Variants in BCAS1 observed in about 807,000 individuals in gnomAD.
BCAS1 encodes breast carcinoma-amplified sequence 1.
In BCAS1, 46 loss-of-function variants were observed where a neutral mutation model predicts 65.4. The ratio of observed to expected loss-of-function variants is 0.70; its 90% CI spans 0.55 to 0.90. The LOEUF is 0.90. BCAS1 is among the 40% of genes least tolerant of loss of function. The pLI is 0.00. For synonymous variants in BCAS1, 298 were observed against 293.5 expected (o/e 1.02, Z -0.16); for missense variants, 793 against 771.2 (o/e 1.03, Z -0.33).
intron 3 of BCAS1, among the ~76,000 whole-genome samples, chr20:54,030,689 A>G (rs2091780157): frequency 6.6e-6 from 1 of 151,354 alleles, no homozygotes; most frequent in Non-Finnish European, 1.5e-5. Flanking sequence ...CAACAAACAA[A>G]AAAGGGGGGA....
At chr20:54,032,181 A>G (rs575309361) in intron 3 of BCAS1, among the ~76,000 whole-genome samples, 1 of 151,624 alleles carries the variant, frequency 6.6e-6, no homozygotes, top group East Asian at 1.9e-4. Flanking sequence ...AATATTCAAC[A>G]TTCTTAAACA....
intron 4 of BCAS1, among the ~76,000 whole-genome samples, chr20:54,020,457 C>A (rs568116239): frequency 1.1e-4 from 17 of 152,268 alleles, no homozygotes; most frequent in African/African-American, 4.1e-4. Context: ...TAAGTGAAAT[C>A]GTATACACCA....
chr20:54,032,519 C>T (rs1007625886), intron 3 of BCAS1, among the ~76,000 whole-genome samples: 8 of 151,242 alleles, frequency 5.3e-5, no homozygotes, highest in African/African-American at 1.9e-4. Context: ...CATTAAAAGA[C>T]ATAAAGTGGC....
intron 1 of BCAS1, chr20:54,068,310 T>C (rs2092469936): frequency 1.3e-5 from 2 of 154,424 alleles, no homozygotes; most frequent in South Asian, 4.1e-4. Flanking sequence ...TCTCATAGTC[T>C]TATTATTGCA....
intron 4 of BCAS1, among the ~76,000 whole-genome samples, chr20:54,012,337 G>A (rs2091339336): frequency 6.6e-6 from 1 of 152,058 alleles, no homozygotes; most frequent in African/African-American, 2.4e-5. Context: ...TTGTATCATT[G>A]TCAATATCCT....
chr20:54,032,602 T>C (rs777551117), intron 3 of BCAS1, among the ~76,000 whole-genome samples: 7 of 151,136 alleles, frequency 4.6e-5, no homozygotes, highest in African/African-American at 7.3e-5. Context: ...GTGACACACA[T>C]AGGTTCAAGA....
chr20:53,947,423 GAAATACC>G (rs2089362358), intron 12 of BCAS1, among the ~76,000 whole-genome samples: 1 of 152,170 alleles, frequency 6.6e-6, no homozygotes, highest in African/African-American at 2.4e-5. Context: ...AGGACACCGT[GAAATACC>G]AAAAGCTTGG....
chr20:54,068,318 G>A (rs1188786868), intron 1 of BCAS1: 1 of 154,352 alleles, frequency 6.5e-6, no homozygotes, highest in Non-Finnish European at 1.5e-5. Flanking sequence ...TCTTATTATT[G>A]CACCAAACAT....
intron 12 of BCAS1, among the ~76,000 whole-genome samples, chr20:53,949,257 A>G (rs2089437475): frequency 6.6e-6 from 1 of 152,238 alleles, no homozygotes; most frequent in Non-Finnish European, 1.5e-5. Context: ...TGTAAACAAA[A>G]AAGTCCCTTT....
At chr20:53,989,553 A>T (rs1432875176) in intron 7 of BCAS1, among the ~76,000 whole-genome samples, 1 of 152,066 alleles carries the variant, frequency 6.6e-6, no homozygotes, top group Non-Finnish European at 1.5e-5. Context: ...AGACACCCAC[A>T]CAAGATCCTG....
chr20:54,032,411 C>T (rs2091819976), intron 3 of BCAS1, among the ~76,000 whole-genome samples: 1 of 151,318 alleles, frequency 6.6e-6, no homozygotes, highest in Non-Finnish European at 1.5e-5. Flanking sequence ...AAAGCAACTA[C>T]ATAACAAGTC....
chr20:54,036,736 C>T (rs2091906112), intron 3 of BCAS1, among the ~76,000 whole-genome samples: 1 of 151,208 alleles, frequency 6.6e-6, no homozygotes, highest in South Asian at 2.1e-4. Flanking sequence ...TTTTGTTATA[C>T]TAATATGTTA....
chr20:54,062,486 A>C (rs1268877867), intron 1 of BCAS1, among the ~76,000 whole-genome samples: 3 of 152,252 alleles, frequency 2.0e-5, no homozygotes, highest in African/African-American at 7.2e-5. Context: ...ATATACACAC[A>C]AAGTATCTCT....
chr20:54,002,707 A>G (rs1257139504), intron 4 of BCAS1, among the ~76,000 whole-genome samples: 3 of 152,226 alleles, frequency 2.0e-5, no homozygotes, highest in Non-Finnish European at 2.9e-5. Flanking sequence ...TTAATTAGTG[A>G]TAATGATTAT....
chr20:54,003,969 A>G (rs1006169653), intron 4 of BCAS1, among the ~76,000 whole-genome samples: 2 of 152,222 alleles, frequency 1.3e-5, no homozygotes, highest in Non-Finnish European at 2.9e-5. Flanking sequence ...ATAGCAGATG[A>G]GTGTTGATAT....
At chr20:54,035,207 T>C (rs1025687911) in intron 3 of BCAS1, among the ~76,000 whole-genome samples, 5 of 150,614 alleles carry the variant, frequency 3.3e-5, no homozygotes, top group Non-Finnish European at 7.4e-5. Context: ...GGTCAGGAGA[T>C]CGAGAACACG....
At chr20:54,058,453 C>T (rs187812353) in intron 2 of BCAS1, among the ~76,000 whole-genome samples, 194 bp downstream of exon 2, 1 of 152,234 alleles carries the variant, frequency 6.6e-6, no homozygotes, top group Non-Finnish European at 1.5e-5. Context: ...GGGCATTTGT[C>T]AAGTCAGGGC....
chr20:54,030,057 A>C (rs2091766232), intron 3 of BCAS1, among the ~76,000 whole-genome samples: 1 of 152,356 alleles, frequency 6.6e-6, no homozygotes, highest in Middle Eastern at 3.4e-3. Flanking sequence ...GTGTGTGTGG[A>C]TACAGGCTCC....
At chr20:53,995,828 T>G (rs1600815592) in intron 5 of BCAS1, 64 bp downstream of exon 5, 1 of 1,470,292 alleles carries the variant, frequency 6.8e-7, no homozygotes, top group East Asian at 2.3e-5. Context: ...ATGTGCATTA[T>G]TCTTAGAATT....
Sources: allele counts gnomAD v4.1 joint callset (sites outside exome capture counted in the v4.1 genomes callset), GRCh38; gene constraint gnomAD v4.1.1; transcripts MANE v1.5; gene names NCBI Gene and HGNC (gene_info 2026-07-23, HGNC 2026-07-21).